Variants in ARID1B observed in about 807,000 individuals in gnomAD.
ARID1B encodes the protein AT-rich interaction domain 1B, also known as AT-rich interactive domain-containing protein 1B.
In ARID1B, 30 loss-of-function variants were observed where a neutral mutation model predicts 212.3. The ratio of observed to expected loss-of-function variants is 0.14; its 90% CI spans 0.11 to 0.19. ARID1B has a LOEUF of 0.19. Ranked by LOEUF, ARID1B falls within the 10% of genes least tolerant of loss-of-function variation. The pLI, the probability that ARID1B is intolerant of heterozygous loss-of-function variation, is 1.00. For missense variants in ARID1B, 2,891 were observed against 3,204.0 expected, an observed-to-expected ratio of 0.90 and a Z score of 2.36; for synonymous variants, 1,402 against 1,301.7, an observed-to-expected ratio of 1.08 and a Z score of -1.66.
chr6:156,973,366 TG>T (rs1777057160), intron 4 of ARID1B, among the ~76,000 whole-genome samples: 1 of 152,074 alleles, frequency 6.6e-6, no homozygotes, highest in Non-Finnish European at 1.5e-5. Context: ...AAGCAGTAAC[TG>T]TTAATAAATG....
chr6:157,055,155 A>G lies in ARID1B; in HGVS notation c.2248-29507A>G, dbSNP rs145938872. On this transcript the variant is annotated intron_variant, in intron 4 of 19. Transcript: ENST00000636930. ...TAGTGCCTGCTGTGTGGATAAGGGG[A>G]CCATTTGCATTGGTTTCCCTTTGGA... Among the ~76,000 whole-genome samples, 122 of 152,300 alleles carry G rather than the reference A, an allele frequency of 8.0e-4. 1 individual carries two copies. The highest frequency in any genetic ancestry group is 2.7e-3 in the African/African-American group (113 of 41,560).
At chr6:156,854,714 T>C (rs2128114521) in intron 2 of ARID1B, among the ~76,000 whole-genome samples, 1 of 152,384 alleles carries the variant, frequency 6.6e-6, no homozygotes, top group East Asian at 1.9e-4. Flanking sequence ...AGATACCAGC[T>C]AACACTGTGC....
intron 3 of ARID1B, among the ~76,000 whole-genome samples, chr6:156,902,602 T>G (rs1238904886): frequency 2.0e-5 from 3 of 151,952 alleles, no homozygotes; most frequent in African/African-American, 7.3e-5. Flanking sequence ...AAACAACAGC[T>G]AGGATTCGAG....
intron 1 of ARID1B, among the ~76,000 whole-genome samples, chr6:156,788,138 G>T (rs1362150810): frequency 6.6e-6 from 1 of 152,044 alleles, no homozygotes; most frequent in Admixed American, 6.6e-5. Flanking sequence ...GCCCCTCCCA[G>T]CTCCAAAAAT....
At chr6:156,791,373 A>G (rs570847194) in intron 1 of ARID1B, among the ~76,000 whole-genome samples, 1 of 152,374 alleles carries the variant, frequency 6.6e-6, no homozygotes, top group Non-Finnish European at 1.5e-5. Context: ...CACATGATCA[A>G]AATATTTTTC....
chr6:156,991,737 A>G (rs548943236), intron 4 of ARID1B, among the ~76,000 whole-genome samples: 31 of 152,324 alleles, frequency 2.0e-4, no homozygotes, highest in African/African-American at 6.7e-4. Flanking sequence ...ATGTTTTCAT[A>G]CACATAGTAA....
At chr6:157,185,453 T>G (rs1792907526) in intron 13 of ARID1B, 1 of 152,282 alleles carries the variant, frequency 6.6e-6, no homozygotes, top group African/African-American at 2.4e-5. Flanking sequence ...GCACTTCCAG[T>G]GTGCTGGGCC....
chr6:156,801,995 T>C (rs1318548565), intron 1 of ARID1B, among the ~76,000 whole-genome samples: 2 of 152,234 alleles, frequency 1.3e-5, no homozygotes, highest in African/African-American at 2.4e-5. Context: ...GTCAAAAGCA[T>C]GGAGACAAAA....
intron 5 of ARID1B, among the ~76,000 whole-genome samples, chr6:157,088,313 T>TA (rs910783041): frequency 1.6e-4 from 25 of 152,346 alleles, no homozygotes; most frequent in Non-Finnish European, 2.8e-4. Flanking sequence ...GTCCAGGTAT[T>TA]ACCCATTTCT....
chr6:156,955,848 G>A lies in ARID1B; in HGVS notation c.2247+20272G>A, dbSNP rs796928710. Among the ~76,000 whole-genome samples, 22 of 152,292 alleles carry A rather than the reference G, an allele frequency of 1.4e-4. 2 individuals are homozygous for A. Among genetic ancestry groups the A allele is most frequent in the African/African-American group, 5.3e-4 (22 of 41,550 alleles). ...TTCAGGGGCCTAAGATTTTAGGGAG[G>A]AGGGCTGTTGGTCTCAGAAACCCTA... On this transcript the variant is annotated intron_variant, in intron 4 of 19. Transcript: ENST00000636930. This position sits in a 1 kb window ranked among gnomAD's most constrained non-coding sequence, Gnocchi z 4.2.
intron 3 of ARID1B, among the ~76,000 whole-genome samples, chr6:156,912,702 A>C (rs190575371): frequency 2.0e-5 from 3 of 152,200 alleles, no homozygotes; most frequent in Non-Finnish European, 4.4e-5. Flanking sequence ...CTGTGTCTGC[A>C]TATCATGTCT....
At position 156,935,513 on chromosome 6, in the gene ARID1B, C is replaced by A. The variant is rs2128274820; in HGVS notation, c.2184C>A (p.Ala728=). The A allele has an allele frequency of 6.2e-7, 1 of 1,613,900 alleles. No homozygotes were observed. Among genetic ancestry groups the A allele is most frequent in the Non-Finnish European group, 8.5e-7 (1 of 1,179,924 alleles). Residue 728 remains alanine, a synonymous_variant, in exon 4 of 20, where the codon GCC becomes GCA. Coordinates refer to ENST00000636930, the MANE Select transcript of ARID1B (RefSeq NM_001374828.1). ...GYGTRSQPPL[A]PGKPNHEDLN... Reference sequence around the variant, plus strand: ...GAACTAGATCTCAACCTCCTCTGGCCCCCGGAAAACCTAACCATGAAGACT... The same window carrying A: ...GAACTAGATCTCAACCTCCTCTGGCACCCGGAAAACCTAACCATGAAGACT...
intron 3 of ARID1B, among the ~76,000 whole-genome samples, chr6:156,923,723 A>ATTTTTTTTTTTTTG: frequency 6.7e-6 from 1 of 150,200 alleles, no homozygotes; most frequent in African/African-American, 2.4e-5. Flanking sequence ...TTTTTTTTTA[A>ATTTTTTTTTTTTTG]AGACAGAGTC....
chr6:156,993,136 G>A (rs553219480), intron 4 of ARID1B, among the ~76,000 whole-genome samples: 85 of 148,798 alleles, frequency 5.7e-4, no homozygotes, highest in African/African-American at 2.0e-3. Context: ...TCCGCCTCCC[G>A]GTTCAAGCGA....
Position 156,779,174 on chromosome 6 carries a change from C to T in ARID1B, c.1494C>T (p.Ala498=), listed in dbSNP as rs750158289. 105 of 1,338,484 alleles carry T rather than the reference C, an allele frequency of 7.8e-5. No homozygotes were observed. Among genetic ancestry groups the T allele is most frequent in the Non-Finnish European group, 9.8e-5 (102 of 1,037,924 alleles). The allele number at this position is 1,338,484 out of a possible 1,614,324, so 82.9% of individuals were successfully genotyped here. A position where few individuals can be genotyped will look rare whatever the true frequency, so the allele number is the denominator to read the frequency against. The change falls in exon 1 of 20, where the codon GCC becomes GCT. Residue 498 remains alanine, a synonymous_variant. Coordinates refer to ENST00000636930, the MANE Select transcript of ARID1B (RefSeq NM_001374828.1). ...FAGQNQHPSG[A]TPTLNQLLTS... is the part of the protein sequence containing the mutation. The stretch of plus-strand genomic sequence containing the variant: ...GCCAGAACCAGCACCCGTCGGGGGC[C>T]ACCCCGACCCTCAATCAGCTGCTCA...
At chr6:156,881,906 A>G (rs1208152975) in intron 2 of ARID1B, among the ~76,000 whole-genome samples, 3 of 152,174 alleles carry the variant, frequency 2.0e-5, no homozygotes, top group Non-Finnish European at 2.9e-5. Flanking sequence ...TGCACAGTTG[A>G]TATTTGAGAA....
At chr6:156,862,394 A>G (rs1449080491) in intron 2 of ARID1B, among the ~76,000 whole-genome samples, 5 of 152,238 alleles carry the variant, frequency 3.3e-5, no homozygotes, top group Admixed American at 1.3e-4. Context: ...GTGTTGTTCA[A>G]GGAGAGGGCT....
At position 156,883,921 on chromosome 6, in the gene ARID1B, G is replaced by A. The variant is rs186955208; in HGVS notation, c.1987-17455G>A. The stretch of plus-strand genomic sequence containing the variant: ...GTATCAACAACAGCTGTAGGTCAGG[G>A]AAGAGGCATTTCAGGAGCCAGAATC... On this transcript the variant is annotated intron_variant, in intron 2 of 19. Transcript: ENST00000636930. Among the ~76,000 whole-genome samples the A allele has an allele frequency of 6.6e-3, 1,000 of 152,292 alleles. 8 individuals carry two copies. Among genetic ancestry groups the A allele is most frequent in the Middle Eastern group, 0.01 (3 of 294 alleles).
At chr6:157,003,052 C>T (rs780278833) in intron 4 of ARID1B, among the ~76,000 whole-genome samples, 13 of 151,974 alleles carry the variant, frequency 8.6e-5, no homozygotes, top group Non-Finnish European at 1.3e-4. Context: ...AGTGGGAGGC[C>T]GGGAGGATGG....
Sources: allele counts gnomAD v4.1 joint callset (sites outside exome capture counted in the v4.1 genomes callset), GRCh38; gene constraint gnomAD v4.1.1; non-coding constraint Gnocchi (gnomAD v3.1); transcripts MANE v1.5; gene names NCBI Gene and HGNC (gene_info 2026-07-23, HGNC 2026-07-21).